Variants in ADARB2 observed in about 807,000 individuals in gnomAD.
ADARB2 encodes the protein inactive double-stranded RNA-specific editase B2.
A neutral mutation model predicts 62.2 loss-of-function variants in ADARB2; 25 were observed. The observed-to-expected ratio is 0.40, with a 90% CI of 0.29 to 0.56. The LOEUF is 0.56. ADARB2 is among the 20% of genes least tolerant of loss of function. The pLI is 0.43. For missense variants in ADARB2, 1,071 were observed against 1,077.4 expected, an observed-to-expected ratio of 0.99 and a Z score of 0.08; for synonymous variants, 572 against 500.8, an observed-to-expected ratio of 1.14 and a Z score of -1.90.
At position 1,505,012 on chromosome 10, in the gene ADARB2, CACAA is replaced by C. The variant is rs200681311; in HGVS notation, c.101-125856_101-125853del. Among the ~76,000 whole-genome samples, 894 of 151,718 alleles carry C rather than the reference CACAA, an allele frequency of 5.9e-3. 9 individuals are homozygous for C. Among genetic ancestry groups the C allele is most frequent in the African/African-American group, 0.02 (813 of 41,350 alleles). On this transcript the variant is annotated intron_variant, in intron 1 of 9. Coordinates refer to ENST00000381312, the MANE Select transcript of ADARB2 (RefSeq NM_018702.4). ...AATGCACACACATGCACACATGATG[CACAA>C]ACACACAGACACAGCCACACATGCA...
chr10:1,491,263 T>C (rs1377211729), intron 1 of ADARB2, among the ~76,000 whole-genome samples: 5 of 152,120 alleles, frequency 3.3e-5, no homozygotes, highest in Admixed American at 6.5e-5. Context: ...AGAGACAGGG[T>C]TGTGCCACGT....
chr10:1,570,511 TGGCTTCAGGA>T (rs898600809), intron 1 of ADARB2, among the ~76,000 whole-genome samples: 38 of 152,212 alleles, frequency 2.5e-4, no homozygotes, highest in African/African-American at 9.2e-4. Flanking sequence ...CTAAGCCTGG[TGGCTTCAGGA>T]TTTGCTGATT....
chr10:1,186,073 C>A (rs1415603444), intron 8 of ADARB2, among the ~76,000 whole-genome samples: 1 of 152,236 alleles, frequency 6.6e-6, no homozygotes, highest in Non-Finnish European at 1.5e-5. Context: ...GATTCCAAAA[C>A]ATGAGATTCC....
intron 1 of ADARB2, among the ~76,000 whole-genome samples, chr10:1,473,837 A>G (rs554825610): frequency 1.1e-4 from 17 of 152,328 alleles, no homozygotes; most frequent in African/African-American, 4.1e-4. Context: ...TGGGGTGTTC[A>G]CCAGGATGGA....
chr10:1,201,555 G>A (rs1836984861), intron 7 of ADARB2, among the ~76,000 whole-genome samples: 1 of 151,876 alleles, frequency 6.6e-6, no homozygotes, highest in Admixed American at 6.6e-5. Context: ...ATGAGATGGA[G>A]GCCACAGAGC....
chr10:1,414,694 T>C (rs970272340), intron 1 of ADARB2, among the ~76,000 whole-genome samples: 12 of 152,220 alleles, frequency 7.9e-5, no homozygotes, highest in Non-Finnish European at 1.0e-4. Flanking sequence ...GCAGCCTCCA[T>C]GATCACGATG....
chr10:1,695,049 C>G (rs1834722150), intron 1 of ADARB2, among the ~76,000 whole-genome samples: 1 of 152,138 alleles, frequency 6.6e-6, no homozygotes, highest in African/African-American at 2.4e-5. Flanking sequence ...GCCCCCCGTG[C>G]CAGATATGAC....
chr10:1,441,140 T>A (rs1261710628), intron 1 of ADARB2, among the ~76,000 whole-genome samples: 1 of 152,244 alleles, frequency 6.6e-6, no homozygotes, highest in African/African-American at 2.4e-5. Flanking sequence ...TTTCACTTGC[T>A]GTTGGGTAGT....
chr10:1,201,188 C>T (rs748325858), intron 7 of ADARB2, among the ~76,000 whole-genome samples: 1 of 152,202 alleles, frequency 6.6e-6, no homozygotes, highest in Non-Finnish European at 1.5e-5. Flanking sequence ...TGAGAAACAT[C>T]TTTTAATCTC....
At chr10:1,350,220 C>A (rs112666896) in intron 3 of ADARB2, among the ~76,000 whole-genome samples, 2 of 152,174 alleles carry the variant, frequency 1.3e-5, no homozygotes, top group Non-Finnish European at 2.9e-5. Flanking sequence ...GTCTGAAGTG[C>A]CTGACGTCCA....
Position 1,737,142 on chromosome 10 carries a change from CG to C in ADARB2, c.8del (p.Ser3TrpfsTer12). 1 of 1,608,116 alleles carries C rather than the reference CG, an allele frequency of 6.2e-7. No individual in the cohort carries two copies. Among genetic ancestry groups the C allele is most frequent in the African/African-American group, 1.3e-5 (1 of 75,046 alleles). On this transcript the variant is annotated frameshift_variant, in exon 1 of 10. Transcript: ENST00000381312. LOFTEE classifies it high-confidence loss of function. Reference protein sequence around the residue: MASVLGSGRGSGG... With the variant: MAXVLGSGRGSGG... ...CAGACCCTCTGCCGCTCCCCAGGAC[CG>C]AGGCCATGGCCGAGACCCAGGCGCG...
intron 3 of ADARB2, among the ~76,000 whole-genome samples, chr10:1,312,541 AAG>A (rs1831701570): frequency 6.6e-6 from 1 of 152,220 alleles, no homozygotes; most frequent in Admixed American, 6.5e-5. Context: ...AGTGATTGTG[AAG>A]AGAGCCAAGT....
intron 7 of ADARB2, among the ~76,000 whole-genome samples, chr10:1,201,145 G>A (rs1836980210): frequency 6.6e-6 from 1 of 152,134 alleles, no homozygotes; most frequent in Non-Finnish European, 1.5e-5. Context: ...TTTAGCCAGC[G>A]ATATTAATTT....
intron 1 of ADARB2, among the ~76,000 whole-genome samples, chr10:1,410,941 C>T (rs942768254): frequency 3.3e-5 from 5 of 152,216 alleles, no homozygotes; most frequent in Non-Finnish European, 7.3e-5. Context: ...TGCGCCCTGT[C>T]CTCCTGGAGG....
intron 2 of ADARB2, among the ~76,000 whole-genome samples, chr10:1,364,354 G>A (rs186772950): frequency 2.1e-4 from 32 of 152,284 alleles, no homozygotes; most frequent in African/African-American, 7.5e-4. Context: ...CAGGGGGTCC[G>A]GCCCCCAAAC....
chr10:1,373,202 A>G (rs1028039424), intron 2 of ADARB2, among the ~76,000 whole-genome samples: 2 of 152,118 alleles, frequency 1.3e-5, no homozygotes, highest in Admixed American at 1.3e-4. Flanking sequence ...AAAAGAACAG[A>G]GGAGGAGAGT....
chr10:1,350,327 G>A (rs771942777), intron 3 of ADARB2, among the ~76,000 whole-genome samples: 1 of 152,024 alleles, frequency 6.6e-6, no homozygotes, highest in East Asian at 1.9e-4. Context: ...GCGTTGCTGA[G>A]TCTTTCCTCT....
rs374032478 is a variant in ADARB2 at position 1,242,237 on chromosome 10, C to T, written c.1255G>A (p.Glu419Lys). Residue 419 changes from glutamate to lysine, a missense_variant, in exon 5 of 10, where the codon GAG (glutamate) becomes AAG (lysine). Physicochemically the swap from Glu to Lys is moderately conservative, Grantham distance 56. Transcript: ENST00000381312. ...ACCAGCCCCTGGTCACTGAGGTGCTCGCCGCTGATGCACTTGGTCCCCGAG... is the reference window on the plus strand; with the variant it reads ...ACCAGCCCCTGGTCACTGAGGTGCTTGCCGCTGATGCACTTGGTCCCCGAG... The part of the protein sequence containing the change: ...LSSGTKCISG[E>K]HLSDQGLVVN... 13 of 1,597,222 alleles carry T rather than the reference C, an allele frequency of 8.1e-6. No homozygotes were observed. Among genetic ancestry groups the T allele is most frequent in the South Asian group, 5.6e-5 (5 of 88,820 alleles).
rs192220606 is a variant in ADARB2 at position 1,197,022 on chromosome 10, A to T, written c.1864+2944T>A. 7.7e-4 allele frequency among the ~76,000 whole-genome samples: 118 copies of T among 152,362 alleles called. 1 individual carries two copies. Among genetic ancestry groups the T allele is most frequent in the African/African-American group, 2.7e-3 (113 of 41,590 alleles). On this transcript the variant is annotated intron_variant, in intron 8 of 9. Transcript: ENST00000381312. ...CTGTAAGAAACAGCAGGCTGCTAAA[A>T]TATTTCTGTAATGCTTATGTGTTTA...
Sources: gnomAD v4.1 joint callset for allele counts (sites outside exome capture counted in the v4.1 genomes callset) on GRCh38, gnomAD v4.1.1 for gene constraint, MANE v1.5 for transcripts, NCBI Gene and HGNC (gene_info 2026-07-23, HGNC 2026-07-21) for gene names.